ENPP1: variants seen among roughly 807,000 people sequenced by gnomAD.
ENPP1 encodes the protein ectonucleotide pyrophosphatase/phosphodiesterase family member 1.
A neutral mutation model predicts 122.8 loss-of-function variants in ENPP1; 73 were observed. The observed-to-expected ratio is 0.59, with a 90% CI of 0.49 to 0.72. The LOEUF is 0.72. Ranked by LOEUF, ENPP1 falls within the 30% of genes least tolerant of loss-of-function variation. The pLI is 0.00. For synonymous variants in ENPP1, 367 were observed against 391.6 expected (o/e 0.94, Z 0.74); for missense variants, 978 against 1,128.1 (o/e 0.87, Z 1.91).
intron 17 of ENPP1, 112 bp from the exon 18 acceptor site, chr6:131,876,880 A>C (rs1782235640): frequency 1.1e-6 from 1 of 917,618 alleles, no homozygotes; most frequent in Non-Finnish European, 1.8e-6. Flanking sequence ...ATTTTAGTTA[A>C]AGAGTAAATG....
chr6:131,826,232 G>T, intron 1 of ENPP1: 1 of 950,138 alleles, frequency 1.1e-6, no homozygotes, highest in Non-Finnish European at 1.7e-6. Flanking sequence ...CACTGAAACA[G>T]CCCATCTGGT....
chr6:131,849,171 T>C (rs972952752), intron 2 of ENPP1, among the ~76,000 whole-genome samples: 3 of 152,184 alleles, frequency 2.0e-5, no homozygotes, highest in African/African-American at 7.2e-5. Context: ...GTCTACCATT[T>C]ATTCATTTAG....
intron 11 of ENPP1, among the ~76,000 whole-genome samples, chr6:131,865,909 T>C (rs1782083189): frequency 6.6e-6 from 1 of 151,278 alleles, no homozygotes; most frequent in African/African-American, 2.4e-5. Context: ...GGCAAGAGAA[T>C]CGCTTGAACC....
intron 6 of ENPP1, among the ~76,000 whole-genome samples, chr6:131,857,335 A>G (rs1472249684): frequency 6.7e-6 from 1 of 148,258 alleles, no homozygotes; most frequent in Admixed American, 6.7e-5. Flanking sequence ...ATGCTGCTAT[A>G]AAGACACATG....
intron 16 of ENPP1, 45 bp from the exon 17 acceptor site, chr6:131,875,731 A>T (rs749332971): frequency 6.7e-7 from 1 of 1,500,274 alleles, no homozygotes; most frequent in Non-Finnish European, 9.3e-7. Context: ...ACCAACTTGT[A>T]GACAGCTGAA....
intron 1 of ENPP1, among the ~76,000 whole-genome samples, chr6:131,831,538 G>A (rs979707055): frequency 6.6e-6 from 1 of 152,150 alleles, no homozygotes; most frequent in African/African-American, 2.4e-5. Context: ...TCTTGGCGAA[G>A]CGTCTCAGAC....
chr6:131,877,869 ATATATATATAT>A (rs1782254934), intron 18 of ENPP1: 4 of 52,850 alleles, frequency 7.6e-5, no homozygotes, highest in Non-Finnish European at 1.1e-4. Context: ...AAAAAAAAAT[ATATATATATAT>A]ATATATATAT....
intron 20 of ENPP1, among the ~76,000 whole-genome samples, chr6:131,882,035 A>G (rs1226068632): frequency 7.0e-6 from 1 of 143,254 alleles, no homozygotes; most frequent in East Asian, 1.9e-4. Context: ...TAATAATAAT[A>G]AATAAATAAA....
chr6:131,849,929 G>T, intron 2 of ENPP1, 61 bp from the exon 3 acceptor site: 1 of 1,191,304 alleles, frequency 8.4e-7, no homozygotes, highest in Admixed American at 1.7e-5. Context: ...TGTATTCGTT[G>T]ATGTTTACTT....
chr6:131,883,734 G>A lies in ENPP1; in HGVS notation c.2271G>A (p.Leu757=). 1.3e-6 allele frequency: 2 copies of A among 1,528,466 alleles called. No individual in the cohort carries two copies. Among genetic ancestry groups the A allele is most frequent in the Non-Finnish European group, 1.8e-6 (2 of 1,102,790 alleles). The allele number at this position is 1,528,466 out of a possible 1,614,324, so 94.7% of individuals were successfully genotyped here. ...CAAGTGGAATATATTCTGAAGCTTT[G>A]CTTACTACAAATATAGTGCCAATGT... The part of the protein sequence containing the change: ...KNSSGIYSEA[L]LTTNIVPMYQ... Residue 757 remains leucine, a synonymous_variant, in exon 22 of 25, where the codon TTG becomes TTA. Coordinates refer to ENST00000647893, the MANE Select transcript of ENPP1 (RefSeq NM_006208.3).
At chr6:131,887,057 C>A (rs1178041080) in intron 24 of ENPP1, among the ~76,000 whole-genome samples, 1 of 151,598 alleles carries the variant, frequency 6.6e-6, no homozygotes, top group Non-Finnish European at 1.5e-5. Flanking sequence ...AGCCACCCTG[C>A]CTGGCCCCTT....
chr6:131,860,638 T>A (rs1782010031), intron 8 of ENPP1, 132 bp downstream of exon 8: 1 of 669,546 alleles, frequency 1.5e-6, no homozygotes, highest in Non-Finnish European at 2.6e-6. Flanking sequence ...CTTTTGTAAA[T>A]GGAGATGAAT....
intron 1 of ENPP1, among the ~76,000 whole-genome samples, chr6:131,824,885 C>A (rs571452137): frequency 4.9e-4 from 74 of 152,166 alleles, no homozygotes; most frequent in African/African-American, 1.7e-3. Flanking sequence ...CATGGTGAAA[C>A]CCCATGTCTA....
At chr6:131,871,183 A>G (rs1296696678) in intron 13 of ENPP1, among the ~76,000 whole-genome samples, 1 of 152,178 alleles carries the variant, frequency 6.6e-6, no homozygotes, top group East Asian at 1.9e-4. Context: ...AAATTAAAGC[A>G]AAAACTATAT....
intron 20 of ENPP1, 29 bp downstream of exon 20, chr6:131,880,063 G>T: frequency 6.2e-7 from 1 of 1,604,978 alleles, no homozygotes; most frequent in African/African-American, 1.3e-5. Flanking sequence ...TTTATGTGTG[G>T]CCATTTCAAA....
rs536159208 is a variant in ENPP1, at chr6:131,816,918, G to A, written c.240+8643G>A. 3.9e-5 allele frequency among the ~76,000 whole-genome samples: 6 copies of A among 152,316 alleles called. No homozygotes were observed. The East Asian group carries it at 1.2e-3, about 29-fold the overall frequency. On this transcript the variant is annotated intron_variant, in intron 1 of 24. Coordinates refer to ENST00000647893, the MANE Select transcript of ENPP1 (RefSeq NM_006208.3). ...AATCTGAGGCTCAGTCAGGGATTCA[G>A]TCAGGTTTCCATGCAGACATTATTG...
At chr6:131,879,629 C>T (rs932238362) in intron 19 of ENPP1, among the ~76,000 whole-genome samples, 2 of 152,124 alleles carry the variant, frequency 1.3e-5, no homozygotes, top group East Asian at 3.9e-4. Flanking sequence ...GAATATTTAG[C>T]AATTTCATAT....
chr6:131,835,649 C>A (rs776451295), intron 1 of ENPP1, among the ~76,000 whole-genome samples: 1 of 151,958 alleles, frequency 6.6e-6, no homozygotes, highest in Non-Finnish European at 1.5e-5. Context: ...ATGGTGGTTT[C>A]CCGTACAGAT....
rs142380855 is a variant in ENPP1, at chr6:131,845,043, GTTTTT to G, written c.241-2708_241-2704del. Among the ~76,000 whole-genome samples, 303 of 84,948 alleles carry G rather than the reference GTTTTT, an allele frequency of 3.6e-3. 1 individual carries two copies. Among genetic ancestry groups the G allele is most frequent in the African/African-American group, 0.015 (292 of 19,834 alleles). The allele number at this position is 84,948 out of a possible 152,430, so 55.7% of individuals were successfully genotyped here. On this transcript the variant is annotated intron_variant, in intron 1 of 24. Transcript: ENST00000647893. ...ATAAATACAATTTCAATTCTTCATG[GTTTTT>G]TTTTTTTTTTTTTTTTTTTTTTTTC... is the stretch of plus-strand genomic sequence containing the variant.
Sources: gnomAD v4.1 joint callset for allele counts (sites outside exome capture counted in the v4.1 genomes callset) on GRCh38, gnomAD v4.1.1 for gene constraint, MANE v1.5 for transcripts, NCBI Gene and HGNC (gene_info 2026-07-23, HGNC 2026-07-21) for gene names.